The following CTNNA2 variants were observed in gnomAD, a reference collection of about 807,000 sequenced individuals.
CTNNA2 encodes catenin alpha-2.
CTNNA2 carries 42 observed loss-of-function variants against 101.0 expected under a neutral mutation model. The observed-to-expected ratio is 0.42, with a 90% CI of 0.32 to 0.54. CTNNA2 has a LOEUF of 0.54. Among genes scored for constraint, CTNNA2 ranks in the 20% least tolerant of loss-of-function variants. The probability of loss-of-function intolerance (pLI) is 0.14; values close to 1 mark genes in which losing one functional copy is unlikely to be tolerated. For synonymous variants in CTNNA2, 450 were observed against 456.4 expected, an observed-to-expected ratio of 0.99 and a Z score of 0.18; for missense variants, 871 against 1,223.1, an observed-to-expected ratio of 0.71 and a Z score of 4.29.
chr2:79,825,856 A>G (rs1323712299), intron 3 of CTNNA2, among the ~76,000 whole-genome samples: 2 of 152,170 alleles, frequency 1.3e-5, no homozygotes, highest in Non-Finnish European at 1.5e-5. Flanking sequence ...TCCATTTCCA[A>G]TTACCTTGGA....
chr2:80,232,353 T>G (rs1231411007), intron 7 of CTNNA2, among the ~76,000 whole-genome samples: 30 of 13,654 alleles, frequency 2.2e-3, no homozygotes, highest in African/African-American at 0.013. Flanking sequence ...TTGTTTTTTT[T>G]TTTTTTTTTT....
intron 7 of CTNNA2, among the ~76,000 whole-genome samples, chr2:79,956,247 C>A (rs1047301191): frequency 6.6e-6 from 1 of 152,068 alleles, no homozygotes; most frequent in South Asian, 2.1e-4. Context: ...TAAAATTTTA[C>A]TCTGCCCTAA....
At chr2:79,270,870 C>T (rs910219216) in intron 2 of CTNNA2, among the ~76,000 whole-genome samples, 11 of 152,044 alleles carry the variant, frequency 7.2e-5, no homozygotes, top group Admixed American at 2.6e-4. Flanking sequence ...TCTCCTGAGT[C>T]TTCCAGGTAG....
At chr2:80,231,858 C>G (rs544042730) in intron 7 of CTNNA2, among the ~76,000 whole-genome samples, 2 of 152,122 alleles carry the variant, frequency 1.3e-5, no homozygotes, top group Non-Finnish European at 2.9e-5. Context: ...CCTTCCCTTA[C>G]TAGTTTTTTT....
At chr2:79,200,272 T>C (rs1032585841) in intron 2 of CTNNA2, among the ~76,000 whole-genome samples, 1 of 151,812 alleles carries the variant, frequency 6.6e-6, no homozygotes, top group African/African-American at 2.4e-5. Context: ...TAGCGTCAGC[T>C]ACTCTGGAGG....
At chr2:79,518,278 G>A (rs985649729) in intron 1 of CTNNA2, among the ~76,000 whole-genome samples, 5 of 152,120 alleles carry the variant, frequency 3.3e-5, no homozygotes, top group Admixed American at 3.3e-4. Flanking sequence ...GGGATGTATT[G>A]AGATGGAGAT....
chr2:79,632,676 T>G (rs759341744), intron 1 of CTNNA2, among the ~76,000 whole-genome samples: 1 of 152,236 alleles, frequency 6.6e-6, no homozygotes, highest in Non-Finnish European at 1.5e-5. Flanking sequence ...TCCGTTGTTA[T>G]GTGGGACTTT....
At chr2:79,947,983 C>T (rs1688618386) in intron 7 of CTNNA2, among the ~76,000 whole-genome samples, 1 of 152,188 alleles carries the variant, frequency 6.6e-6, no homozygotes, top group African/African-American at 2.4e-5. Context: ...CTGAGGTGCC[C>T]AGTGTTCCCG....
At chr2:79,708,049 A>G (rs1416421225) in intron 2 of CTNNA2, among the ~76,000 whole-genome samples, 1 of 152,208 alleles carries the variant, frequency 6.6e-6, no homozygotes, top group African/African-American at 2.4e-5. Flanking sequence ...TTTCACTTCT[A>G]TAATTTTGCA....
chr2:79,282,735 T>G (rs2104341784), intron 2 of CTNNA2, among the ~76,000 whole-genome samples: 1 of 139,742 alleles, frequency 7.2e-6, no homozygotes, highest in South Asian at 2.5e-4. Context: ...CATGTGTCTT[T>G]ATAGCAGCAT....
rs569324155 is a variant in CTNNA2 at position 80,551,927 on chromosome 2, A to C, written c.1541-3766A>C. Among the ~76,000 whole-genome samples, 4 of 152,260 alleles carry C rather than the reference A, an allele frequency of 2.6e-5. No homozygotes were observed. In the South Asian group the frequency reaches 8.3e-4, roughly 32 times the overall value. On this transcript the variant is annotated intron_variant, in intron 11 of 18. Transcript: ENST00000402739. ...TAATCATTTCTAGCTTTTGATTTCA[A>C]GTGAGAAATGTGTGACCCTTCCTTT... is the stretch of plus-strand genomic sequence containing the variant.
At chr2:79,995,628 T>C (rs1341454888) in intron 7 of CTNNA2, among the ~76,000 whole-genome samples, 3 of 152,010 alleles carry the variant, frequency 2.0e-5, no homozygotes, top group Non-Finnish European at 4.4e-5. Flanking sequence ...CTGAGCAACA[T>C]AGTGAGACCC....
chr2:79,237,909 C>T (rs1305451338), intron 2 of CTNNA2, among the ~76,000 whole-genome samples: 1 of 152,136 alleles, frequency 6.6e-6, no homozygotes, highest in Non-Finnish European at 1.5e-5. Flanking sequence ...ACCACTAAAA[C>T]TTTCTCCATA....
At chr2:79,305,324 A>T (rs1676210868) in intron 2 of CTNNA2, among the ~76,000 whole-genome samples, 1 of 146,172 alleles carries the variant, frequency 6.8e-6, no homozygotes, top group Admixed American at 6.9e-5. Context: ...ACACATATAT[A>T]TACATATATA....
At chr2:79,482,724 T>C (rs577985038) in intron 4 of CTNNA2, among the ~76,000 whole-genome samples, 85 of 152,232 alleles carry the variant, frequency 5.6e-4, no homozygotes, top group African/African-American at 1.9e-3. Context: ...GCAAAATAAT[T>C]CATTTATGCC....
chr2:79,189,544 C>T (rs1340503530), intron 1 of CTNNA2, among the ~76,000 whole-genome samples: 1 of 151,972 alleles, frequency 6.6e-6, no homozygotes, highest in Admixed American at 6.6e-5. Flanking sequence ...GGTATAATTC[C>T]GATAATATTG....
chr2:80,626,360 C>T (rs927884222), intron 18 of CTNNA2, among the ~76,000 whole-genome samples: 1 of 151,954 alleles, frequency 6.6e-6, no homozygotes, highest in Non-Finnish European at 1.5e-5. Flanking sequence ...GCTAGTGTTC[C>T]ACCTTTCCAA....
chr2:79,797,575 T>C (rs532113746), intron 3 of CTNNA2, among the ~76,000 whole-genome samples: 6 of 150,570 alleles, frequency 4.0e-5, no homozygotes, highest in African/African-American at 1.5e-4. Flanking sequence ...GCAGGAGAAC[T>C]GCTTGAGCCC....
At chr2:79,707,586 T>A (rs1474863719) in intron 2 of CTNNA2, among the ~76,000 whole-genome samples, 1 of 152,218 alleles carries the variant, frequency 6.6e-6, no homozygotes, top group African/African-American at 2.4e-5. Context: ...TGACTTTTTC[T>A]GCAGTGGCAT....
Sources: gnomAD v4.1 joint callset for allele counts (sites outside exome capture counted in the v4.1 genomes callset) on GRCh38, gnomAD v4.1.1 for gene constraint, MANE v1.5 for transcripts, NCBI Gene and HGNC (gene_info 2026-07-23, HGNC 2026-07-21) for gene names.